Variants in IARS1 observed in about 807,000 individuals in gnomAD.
IARS1 encodes the protein isoleucine--tRNA ligase, cytoplasmic.
IARS1 carries 124 observed loss-of-function variants against 168.2 expected under a neutral mutation model. The ratio of observed to expected loss-of-function variants is 0.74; its 90% CI spans 0.64 to 0.86. The LOEUF (loss-of-function observed/expected upper bound fraction) is 0.86, where lower values mean the gene tolerates loss of function less well. IARS1 is among the 40% of genes least tolerant of loss of function. The probability of loss-of-function intolerance (pLI) is 0.00; values close to 1 mark genes in which losing one functional copy is unlikely to be tolerated. For synonymous variants in IARS1, 532 were observed against 529.4 expected, an observed-to-expected ratio of 1.00 and a Z score of -0.07; for missense variants, 1,452 against 1,515.8, an observed-to-expected ratio of 0.96 and a Z score of 0.70.
At chr9:92,274,571 A>G (rs1833537753) in intron 9 of IARS1, 50 bp from the exon 10 acceptor site, 1 of 1,304,148 alleles carries the variant, frequency 7.7e-7, no homozygotes, top group Non-Finnish European at 1.1e-6. Context: ...ACTGTGTTAC[A>G]ACGTTAACTT....
intron 4 of IARS1, among the ~76,000 whole-genome samples, chr9:92,287,068 C>A (rs1161697143): frequency 1.3e-5 from 2 of 152,216 alleles, no homozygotes; most frequent in Non-Finnish European, 2.9e-5. Context: ...AAAGTTATCA[C>A]CATCAATGTG....
chr9:92,221,470 C>A (rs561711204), intron 33 of IARS1, among the ~76,000 whole-genome samples: 1 of 152,232 alleles, frequency 6.6e-6, no homozygotes, highest in African/African-American at 2.4e-5. Flanking sequence ...AAAAACAGAT[C>A]CCACAAAGGG....
At chr9:92,238,492 T>A (rs1311259956) in intron 30 of IARS1, among the ~76,000 whole-genome samples, 1 of 152,200 alleles carries the variant, frequency 6.6e-6, no homozygotes, top group East Asian at 1.9e-4. Context: ...TCCCACTTCA[T>A]CTTCTGTAAA....
chr9:92,281,259 G>A (rs543415111), intron 6 of IARS1, among the ~76,000 whole-genome samples: 29 of 151,542 alleles, frequency 1.9e-4, no homozygotes, highest in African/African-American at 5.6e-4. Context: ...TCAGCCTCCC[G>A]AGTAGCTGGG....
intron 12 of IARS1, 127 bp from the exon 13 acceptor site, chr9:92,270,110 A>G (rs1435403778): frequency 1.7e-6 from 1 of 573,380 alleles, no homozygotes; most frequent in African/African-American, 1.9e-5. Context: ...ATTCATTTTT[A>G]TTATAGATAA....
chr9:92,265,072 G>A lies in IARS1; in HGVS notation c.1557C>T (p.Arg519=). Residue 519 remains arginine, a synonymous_variant, in exon 16 of 34, where the codon CGC becomes CGT. Coordinates refer to ENST00000443024, the MANE Select transcript of IARS1 (RefSeq NM_002161.6). ...PSRCGKGSLH[R]ISEVFDCWFE... is the part of the protein sequence containing the mutation. ...ACCAACAGTCAAACACTTCAGAGAT[G>A]CGGTGCAAGGATCCCTTCCCACAGC... The A allele has an allele frequency of 6.2e-7, 1 of 1,614,136 alleles. No individual in the cohort carries two copies.
At chr9:92,228,466 C>T (rs1027741332) in intron 31 of IARS1, among the ~76,000 whole-genome samples, 2 of 152,190 alleles carry the variant, frequency 1.3e-5, no homozygotes, top group African/African-American at 4.8e-5. Flanking sequence ...AATCTCGGCA[C>T]TTTGGGAGGC....
At chr9:92,232,216 G>A (rs1047445359) in intron 30 of IARS1, among the ~76,000 whole-genome samples, 2 of 152,104 alleles carry the variant, frequency 1.3e-5, no homozygotes, top group Admixed American at 6.6e-5. Context: ...CTCCCCACTG[G>A]TAATTTACAG....
At chr9:92,285,658 T>A in intron 6 of IARS1, 64 bp downstream of exon 6, 1 of 991,380 alleles carries the variant, frequency 1.0e-6, no homozygotes, top group African/African-American at 1.6e-5. Flanking sequence ...CCTACTGTGA[T>A]CATAACTACT....
intron 18 of IARS1, 24 bp from the exon 19 acceptor site, chr9:92,259,022 C>T (rs571879370): frequency 1.2e-5 from 19 of 1,578,438 alleles, no homozygotes; most frequent in Admixed American, 5.7e-5. Flanking sequence ...AAAAATTAGA[C>T]AGAAAAGGTA....
chr9:92,247,322 AAGTATCCCTCAGACTC>A, intron 26 of IARS1, 39 bp downstream of exon 26: 1 of 1,524,174 alleles, frequency 6.6e-7, no homozygotes, highest in Admixed American at 1.9e-5. Context: ...GTAGCCTAAA[AAGTATCCCTCAGACTC>A]AGGACATAAA....
At chr9:92,251,085 C>G in intron 22 of IARS1, 3 of 529,714 alleles carry the variant, frequency 5.7e-6, no homozygotes, top group South Asian at 4.6e-5. Flanking sequence ...GAAACAGGAG[C>G]ACCTAATGAT....
At chr9:92,249,446 G>A (rs1308916920) in intron 25 of IARS1, among the ~76,000 whole-genome samples, 5 of 152,094 alleles carry the variant, frequency 3.3e-5, no homozygotes, top group African/African-American at 4.8e-5. Context: ...CCAGCTACTC[G>A]GGAGGCTGAG....
At chr9:92,289,501 G>C in intron 1 of IARS1, 75 bp from the exon 2 acceptor site, 1 of 738,592 alleles carries the variant, frequency 1.4e-6, no homozygotes, top group Non-Finnish European at 2.5e-6. Context: ...ATTAACATGG[G>C]TGTACATGAC....
Position 92,210,732 on chromosome 9 carries a change from T to C in IARS1, c.*75A>G. On this transcript the variant is annotated 3_prime_UTR_variant, in exon 34 of 34. Transcript: ENST00000443024. The stretch of plus-strand genomic sequence containing the variant: ...AATATCTTCAGTGTGTTCATGTGTG[T>C]GTCTATGTGCATGTATGTGTAGGGG... 1.2e-6 allele frequency: 1 copy of C among 833,634 alleles called. No individual in the cohort carries two copies. The highest frequency in any genetic ancestry group is 2.1e-6 in the Non-Finnish European group (1 of 473,390). The allele number at this position is 833,634 out of a possible 1,614,324, so 51.6% of individuals were successfully genotyped here.
chr9:92,285,037 T>C (rs2133973204), intron 6 of IARS1, among the ~76,000 whole-genome samples: 1 of 152,292 alleles, frequency 6.6e-6, no homozygotes, highest in East Asian at 1.9e-4. Flanking sequence ...CAAATTTTAC[T>C]AATGTAATTT....
At chr9:92,243,452 A>T in intron 27 of IARS1, 141 bp from the exon 28 acceptor site, 1 of 573,938 alleles carries the variant, frequency 1.7e-6, no homozygotes, top group African/African-American at 1.9e-5. Context: ...CAATAAAATT[A>T]ATCTAGTTTA....
intron 29 of IARS1, among the ~76,000 whole-genome samples, chr9:92,241,579 C>T (rs1020800932): frequency 9.9e-5 from 15 of 152,070 alleles, no homozygotes; most frequent in African/African-American, 3.1e-4. Context: ...TGACCTCAAG[C>T]GATCTGCTCG....
intron 19 of IARS1, among the ~76,000 whole-genome samples, chr9:92,258,640 T>G (rs1831071349): frequency 1.3e-5 from 2 of 152,236 alleles, no homozygotes; most frequent in South Asian, 4.1e-4. Flanking sequence ...ACATAACTCT[T>G]TTGCAGGCTA....
Sources: gnomAD v4.1 joint callset for allele counts (sites outside exome capture counted in the v4.1 genomes callset) on GRCh38, gnomAD v4.1.1 for gene constraint, MANE v1.5 for transcripts, NCBI Gene and HGNC (gene_info 2026-07-23, HGNC 2026-07-21) for gene names.